CASQ2: variants seen among roughly 807,000 people sequenced by gnomAD.
CASQ2 encodes the protein calsequestrin 2.
CASQ2 carries 49 observed loss-of-function variants against 46.5 expected under a neutral mutation model. The observed-to-expected ratio is 1.05, with a 90% CI of 0.84 to 1.34. CASQ2 has a LOEUF of 1.34. Among genes scored for constraint, CASQ2 ranks in the 40% most tolerant of loss-of-function variants. The pLI is 0.00. For missense variants in CASQ2, 486 were observed against 481.3 expected, an observed-to-expected ratio of 1.01 and a Z score of -0.09; for synonymous variants, 174 against 168.5, an observed-to-expected ratio of 1.03 and a Z score of -0.25.
intron 4 of CASQ2, among the ~76,000 whole-genome samples, chr1:115,734,026 A>T (rs1647875435): frequency 6.6e-6 from 1 of 152,226 alleles, no homozygotes; most frequent in African/African-American, 2.4e-5. Flanking sequence ...GATAGTTGTT[A>T]CAACAGAGGT....
At position 115,717,907 on chromosome 1, in the gene CASQ2, A is replaced by G. The variant is rs1197977752; in HGVS notation, c.784-13T>C. 6.3e-7 allele frequency: 1 copy of G among 1,577,236 alleles called. No homozygotes were observed. Among genetic ancestry groups the G allele is most frequent in the Admixed American group, 1.7e-5 (1 of 59,974 alleles). ...TCAAATCATCTTCCTGTATGAGAAA[A>G]GTAACAAAAGTTACACTTCCAGCTG... On this transcript the variant is annotated splice_polypyrimidine_tract_variant and intron_variant, in intron 7 of 10. Coordinates refer to ENST00000261448, the MANE Select transcript of CASQ2 (RefSeq NM_001232.4).
chr1:115,700,698 G>C lies in CASQ2; in HGVS notation c.*543C>G. On this transcript the variant is annotated 3_prime_UTR_variant, in exon 11 of 11. Coordinates refer to ENST00000261448, the MANE Select transcript of CASQ2 (RefSeq NM_001232.4). ...TGAAATAAGTTTAACAAAGCCATGA[G>C]AATATGATTTATAAGTTTGCTTCCA... 3.2e-6 allele frequency: 1 copy of C among 308,780 alleles called. No homozygotes were observed. The highest frequency in any genetic ancestry group is 5.5e-5 in the East Asian group (1 of 18,038). The allele number at this position is 308,780 out of a possible 1,614,324, so 19.1% of individuals were successfully genotyped here. A position where few individuals can be genotyped will look rare whatever the true frequency, so the allele number is the denominator to read the frequency against.
chr1:115,749,542 C>T (rs780869989), intron 1 of CASQ2, among the ~76,000 whole-genome samples: 2 of 152,154 alleles, frequency 1.3e-5, no homozygotes, highest in South Asian at 2.1e-4. Flanking sequence ...TCTTTGGCAC[C>T]CTTAGGCAAA....
At chr1:115,718,131 G>A (rs754886373) in intron 7 of CASQ2, among the ~76,000 whole-genome samples, 3 of 152,208 alleles carry the variant, frequency 2.0e-5, no homozygotes, top group Admixed American at 6.5e-5. Context: ...AAATGAGTTT[G>A]CAAGACAGGA....
At chr1:115,701,968 G>T (rs961772939) in intron 10 of CASQ2, among the ~76,000 whole-genome samples, 1 of 150,866 alleles carries the variant, frequency 6.6e-6, no homozygotes, top group Non-Finnish European at 1.5e-5. Flanking sequence ...TGTTGCCCAG[G>T]CTGGAGTGCA....
chr1:115,708,109 G>C (rs1048110009), intron 8 of CASQ2, among the ~76,000 whole-genome samples: 1 of 152,232 alleles, frequency 6.6e-6, no homozygotes, highest in African/African-American at 2.4e-5. Context: ...AGCAGGTTAA[G>C]AGATGAAAAG....
At chr1:115,726,960 G>GCCCCCC in intron 6 of CASQ2, 32 bp downstream of exon 6, 1 of 654,056 alleles carries the variant, frequency 1.5e-6, no homozygotes, top group Non-Finnish European at 2.7e-6. Context: ...CCAGACCCCA[G>GCCCCCC]GCCCCCAGCC....
chr1:115,720,757 C>T (rs1224162910), intron 7 of CASQ2, among the ~76,000 whole-genome samples: 2 of 152,162 alleles, frequency 1.3e-5, no homozygotes, highest in African/African-American at 2.4e-5. Flanking sequence ...GCTGGGCTGG[C>T]GTTATATGTC....
intron 4 of CASQ2, among the ~76,000 whole-genome samples, chr1:115,736,795 T>G (rs74114605): frequency 0.029 from 4,484 of 152,292 alleles, 215 homozygotes; most frequent in African/African-American, 0.1. Context: ...CACCTTTCTG[T>G]TCCATCCTTT....
At chr1:115,722,366 A>G (rs1647408009) in intron 7 of CASQ2, among the ~76,000 whole-genome samples, 1 of 152,250 alleles carries the variant, frequency 6.6e-6, no homozygotes, top group Admixed American at 6.5e-5. Context: ...AAATGAAAAG[A>G]AAGGAGAGAA....
intron 5 of CASQ2, among the ~76,000 whole-genome samples, chr1:115,731,565 C>T (rs1486251748): frequency 1.3e-5 from 2 of 152,224 alleles, no homozygotes; most frequent in Non-Finnish European, 2.9e-5. Context: ...TCATAGCTGG[C>T]TAACTATTAC....
intron 5 of CASQ2, among the ~76,000 whole-genome samples, chr1:115,728,635 T>C (rs1275978960): frequency 1.3e-5 from 2 of 152,104 alleles, no homozygotes; most frequent in African/African-American, 2.4e-5. Flanking sequence ...ATAACAAACA[T>C]ATGGAGTGCT....
chr1:115,733,267 G>A (rs1459708466), intron 4 of CASQ2, among the ~76,000 whole-genome samples: 1 of 152,102 alleles, frequency 6.6e-6, no homozygotes, highest in Non-Finnish European at 1.5e-5. Context: ...GAGAGAAAAA[G>A]ACGCGTAAAA....
intron 7 of CASQ2, among the ~76,000 whole-genome samples, chr1:115,718,758 C>T (rs1394968884): frequency 6.6e-6 from 1 of 152,144 alleles, no homozygotes; most frequent in Non-Finnish European, 1.5e-5. Context: ...AAACAAGGCG[C>T]ATTTCATGTC....
Position 115,704,807 on chromosome 1 carries a change from C to T in CASQ2, c.939+385G>A, listed in dbSNP as rs766199847. Reference sequence around the variant, plus strand: ...TGAACTCGCTGAAAAATGTTCATCTCTGATTTTTATTACTTAGTAATTCAG... The same window carrying T: ...TGAACTCGCTGAAAAATGTTCATCTTTGATTTTTATTACTTAGTAATTCAG... On this transcript the variant is annotated intron_variant, in intron 9 of 10. Coordinates refer to ENST00000261448, the MANE Select transcript of CASQ2 (RefSeq NM_001232.4). 3.3e-5 allele frequency among the ~76,000 whole-genome samples: 5 copies of T among 152,302 alleles called. No individual in the cohort carries two copies. In the East Asian group the frequency reaches 9.7e-4, roughly 29 times the overall value.
chr1:115,713,910 C>G (rs1011439996), intron 8 of CASQ2, among the ~76,000 whole-genome samples: 2 of 152,188 alleles, frequency 1.3e-5, no homozygotes, highest in Non-Finnish European at 2.9e-5. Flanking sequence ...CATGCCACTG[C>G]ATTGCCCTGG....
intron 1 of CASQ2, among the ~76,000 whole-genome samples, chr1:115,750,599 C>CTGAAG (rs1648548077): frequency 2.6e-5 from 4 of 152,190 alleles, no homozygotes; most frequent in Non-Finnish European, 5.9e-5. Context: ...GCCTTGACCT[C>CTGAAG]CCAGGTTCAA....
Position 115,738,208 on chromosome 1 carries a change from T to A in CASQ2, c.532+16A>T. On this transcript the variant is annotated intron_variant, in intron 4 of 10. Transcript: ENST00000261448. ...TAGCTTTTAGACTGATCGGCTGGGG[T>A]TGGCAGACAACTTACATTCTGAGTC... is the stretch of plus-strand genomic sequence containing the variant. 1 of 1,468,862 alleles carries A rather than the reference T, an allele frequency of 6.8e-7. No homozygotes were observed. Among genetic ancestry groups the A allele is most frequent in the Non-Finnish European group, 9.5e-7 (1 of 1,047,324 alleles). 91.0% of individuals were successfully genotyped at this position (1,468,862 alleles called of 1,614,324 possible). A position where few individuals can be genotyped will look rare whatever the true frequency, so the allele number is the denominator to read the frequency against.
chr1:115,725,509 CAT>C lies in CASQ2; in HGVS notation c.780_781del (p.Trp261GlyfsTer3). On this transcript the variant is annotated frameshift_variant and splice_region_variant, in exon 7 of 11. Coordinates refer to ENST00000261448, the MANE Select transcript of CASQ2 (RefSeq NM_001232.4). LOFTEE classifies it high-confidence loss of function. Reference sequence around the variant, plus strand: ...AAAGAGAGTTTGCCTCTTTCTTACCCATGTTTCAAACATTTCTTCTGGGCGCA... The same window carrying C: ...AAAGAGAGTTTGCCTCTTTCTTACCCGTTTCAAACATTTCTTCTGGGCGCA... 1 of 1,609,604 alleles carries C rather than the reference CAT, an allele frequency of 6.2e-7. No individual in the cohort carries two copies.
Sources: allele counts gnomAD v4.1 joint callset (sites outside exome capture counted in the v4.1 genomes callset), GRCh38; gene constraint gnomAD v4.1.1; transcripts MANE v1.5; gene names NCBI Gene and HGNC (gene_info 2026-07-23, HGNC 2026-07-21).